The following FLNB variants were observed in gnomAD, a reference collection of about 807,000 sequenced individuals.
The protein encoded by FLNB is filamin B, also known as filamin-B.
Under a neutral mutation model 250.6 loss-of-function variants are expected in FLNB, and 111 were observed. The observed-to-expected ratio is 0.44, with a 90% confidence interval of 0.38 to 0.52. The LOEUF is 0.52. FLNB is among the 20% of genes least tolerant of loss of function. The pLI, the probability that FLNB is intolerant of heterozygous loss-of-function variation, is 0.00. For missense variants in FLNB, 2,869 were observed against 3,447.8 expected (o/e 0.83, Z 4.20); for synonymous variants, 1,302 against 1,372.1 (o/e 0.95, Z 1.13).
At position 58,081,713 on chromosome 3, in the gene FLNB, C is replaced by T; in HGVS notation, c.724C>T (p.Leu242Phe). Reference sequence around the variant, plus strand: ...CCTGTCCCAGTTCCCCAAAGCCAAGCTCAAGCCGGGGGCTCCTCTCAAACC... The same window carrying T: ...CCTGTCCCAGTTCCCCAAAGCCAAGTTCAAGCCGGGGGCTCCTCTCAAACC... ...TYLSQFPKAK[L>F]KPGAPLKPKL... Residue 242 changes from leucine (L) to phenylalanine (F), a missense_variant, in exon 4 of 46, where the codon CTC becomes TTC. Physicochemically the swap from Leu to Phe is conservative, Grantham distance 22. Transcript: ENST00000295956. 1 of 1,614,144 alleles carries T rather than the reference C, an allele frequency of 6.2e-7. No homozygotes were observed.
At chr3:58,103,843 GT>G (rs2097254881) in intron 9 of FLNB, 115 bp from the exon 10 acceptor site, 1 of 1,310,676 alleles carries the variant, frequency 7.6e-7, no homozygotes, top group Admixed American at 1.7e-5. Flanking sequence ...AGCCCACTTG[GT>G]TTTTATGTAT....
At chr3:58,029,286 C>T (rs1200776198) in intron 1 of FLNB, among the ~76,000 whole-genome samples, 1 of 152,100 alleles carries the variant, frequency 6.6e-6, no homozygotes, top group African/African-American at 2.4e-5. Context: ...TATTTCCCCC[C>T]TCAGATTAGC....
intron 1 of FLNB, among the ~76,000 whole-genome samples, chr3:58,019,226 C>T (rs567138998): frequency 1.3e-5 from 2 of 152,268 alleles, no homozygotes; most frequent in Admixed American, 6.5e-5. Flanking sequence ...TATAGCTTAA[C>T]GATGGATGGC....
intron 20 of FLNB, among the ~76,000 whole-genome samples, chr3:58,122,544 C>T (rs1212685223): frequency 1.3e-5 from 2 of 151,940 alleles, no homozygotes; most frequent in East Asian, 3.9e-4. Context: ...GTAACCCTGA[C>T]TCAAGGGGTT....
rs193215681 is a variant in FLNB, at chr3:58,171,233, G to A, written c.*471G>A. The stretch of plus-strand genomic sequence containing the variant: ...ATCCGCTTAATCTCTTCCAGTGTCC[G>A]TGTTAATGTATTTGGCTATTAGATC... On this transcript the variant is annotated 3_prime_UTR_variant, in exon 46 of 46. Transcript: ENST00000295956. The surrounding 1 kb of genome is among the most constrained non-coding windows in gnomAD (Gnocchi z 5.5). 11 of 196,686 alleles carry A rather than the reference G, an allele frequency of 5.6e-5. No individual in the cohort carries two copies. Among genetic ancestry groups the A allele is most frequent in the East Asian group, 1.4e-4 (1 of 7,382 alleles). The allele number at this position is 196,686 out of a possible 1,614,324, so 12.2% of individuals were successfully genotyped here.
Position 58,153,518 on chromosome 3 carries a change from T to C in FLNB, c.6511T>C (p.Tyr2171His), listed in dbSNP as rs562865493. 9.9e-6 allele frequency: 16 copies of C among 1,614,168 alleles called. No individual in the cohort carries two copies. In the African/African-American group the frequency reaches 1.5e-4, roughly 15 times the overall value. ...EMGVHTVSVK[Y>H]RGQHVTGSPF... ...GGGCGTGCACACGGTCAGCGTCAAG[T>C]ACCGTGGGCAGCACGTCACCGGCAG... Residue 2171 changes from tyrosine (Y) to histidine (H), a missense_variant, in exon 39 of 46, where the codon TAC (tyrosine) becomes CAC (histidine). By Grantham distance (83) the Tyr-to-His change is moderately conservative. Around this residue, in one of 5 missense-constraint regions of FLNB, gnomAD observed 1,084 missense variants for 1,315.5 expected, o/e 0.82. Coordinates refer to ENST00000295956, the MANE Select transcript of FLNB (RefSeq NM_001457.4).
At chr3:58,115,744 G>A (rs56004178) in intron 18 of FLNB, among the ~76,000 whole-genome samples, 31,738 of 151,702 alleles carry the variant, frequency 0.21, 4,233 homozygotes, top group Middle Eastern at 0.35. Flanking sequence ...GGTGGCGGTC[G>A]TTGCCACCAA....
intron 4 of FLNB, among the ~76,000 whole-genome samples, chr3:58,083,732 T>A (rs560949784): frequency 1.3e-5 from 2 of 152,156 alleles, no homozygotes; most frequent in Non-Finnish European, 2.9e-5. Context: ...TGGGCATGAT[T>A]TAGACCGGCA....
intron 29 of FLNB, among the ~76,000 whole-genome samples, chr3:58,141,125 C>T (rs151122126): frequency 3.3e-5 from 5 of 151,928 alleles, no homozygotes; most frequent in Admixed American, 6.6e-5. Flanking sequence ...TGGTGGTGCA[C>T]GCCTCTAGTC....
rs2097213006 is a variant in FLNB at position 58,083,893 on chromosome 3, T to G, written c.787+2117T>G. Among the ~76,000 whole-genome samples the G allele has an allele frequency of 4.6e-5, 7 of 152,252 alleles. 1 individual carries two copies. The South Asian group carries it at 1.5e-3, about 32-fold the overall frequency. On this transcript the variant is annotated intron_variant, in intron 4 of 45. Transcript: ENST00000295956. ...CTTGAAGGCTGGCATGTCCTCACTT[T>G]CTTTAAAAGTGCTTTCTTTGGCCGG... is the stretch of plus-strand genomic sequence containing the variant.
chr3:58,076,800 C>G (rs535255528), intron 1 of FLNB, among the ~76,000 whole-genome samples: 1 of 152,148 alleles, frequency 6.6e-6, no homozygotes, highest in East Asian at 1.9e-4. Context: ...AAAGTAGAGA[C>G]AGTGGTGTCT....
intron 12 of FLNB, among the ~76,000 whole-genome samples, chr3:58,107,251 G>A (rs1315377494): frequency 6.6e-6 from 1 of 151,982 alleles, no homozygotes; most frequent in Non-Finnish European, 1.5e-5. Context: ...GGCTGGTCTC[G>A]AACTCCTGGC....
At chr3:58,034,295 C>G (rs909423843) in intron 1 of FLNB, among the ~76,000 whole-genome samples, 2 of 152,336 alleles carry the variant, frequency 1.3e-5, no homozygotes, top group East Asian at 3.9e-4. Context: ...AACTGCCAAA[C>G]TGTTTCCCAA....
rs1281309508 is a variant in FLNB at position 58,164,601 on chromosome 3, G to T, written c.7198+1271G>T. 6.6e-6 allele frequency: 1 copy of T among 152,336 alleles called. No individual in the cohort carries two copies. The highest frequency in any genetic ancestry group is 2.4e-5 in the African/African-American group (1 of 41,450). The allele number at this position is 152,336 out of a possible 1,614,324, so 9.4% of individuals were successfully genotyped here. On this transcript the variant is annotated intron_variant, in intron 43 of 45. Coordinates refer to ENST00000295956, the MANE Select transcript of FLNB (RefSeq NM_001457.4). The surrounding 1 kb of genome is among the most constrained non-coding windows in gnomAD (Gnocchi z 4.0). ...GCCCTCTCCGGGTGCAGGAGTGACT[G>T]GTGGGCTGGCAGGCTGCCCGGGACT...
chr3:58,009,240 G>C (rs1448292213), intron 1 of FLNB, among the ~76,000 whole-genome samples: 2 of 152,168 alleles, frequency 1.3e-5, no homozygotes, highest in Non-Finnish European at 2.9e-5. Context: ...ATGCTCCGCG[G>C]AGTGCTCTCC....
Position 58,171,934 on chromosome 3 carries a change from T to G in FLNB, c.*1172T>G, listed in dbSNP as rs1380972395. On this transcript the variant is annotated 3_prime_UTR_variant, in exon 46 of 46. Coordinates refer to ENST00000295956, the MANE Select transcript of FLNB (RefSeq NM_001457.4). This position sits in a 1 kb window ranked among gnomAD's most constrained non-coding sequence, Gnocchi z 5.5. ...GTGTAGGGAATTTTGCCTGCCTTCC[T>G]GCAGACCTGAGCTGGCTTTGGAATG... 1.3e-5 allele frequency: 2 copies of G among 152,286 alleles called. No homozygotes were observed. The highest frequency in any genetic ancestry group is 2.9e-5 in the Non-Finnish European group (2 of 68,152). The allele number at this position is 152,286 out of a possible 1,614,324, so 9.4% of individuals were successfully genotyped here.
At chr3:58,098,456 A>G (rs1449383355) in intron 7 of FLNB, among the ~76,000 whole-genome samples, 1 of 152,154 alleles carries the variant, frequency 6.6e-6, no homozygotes. Flanking sequence ...TCAGCCTCTC[A>G]AGTAGCTGGG....
intron 41 of FLNB, among the ~76,000 whole-genome samples, chr3:58,156,681 GA>G (rs1250744186): frequency 6.6e-6 from 1 of 152,140 alleles, no homozygotes; most frequent in Non-Finnish European, 1.5e-5. Flanking sequence ...TGTGGCTCCA[GA>G]ACCTGTATTT....
intron 1 of FLNB, among the ~76,000 whole-genome samples, chr3:58,035,109 G>A (rs2097136208): frequency 6.6e-6 from 1 of 152,200 alleles, no homozygotes. Context: ...TCACTAGGTT[G>A]CCATTTATTC....
Sources: gnomAD v4.1 joint callset for allele counts (sites outside exome capture counted in the v4.1 genomes callset) on GRCh38, gnomAD v4.1.1 for gene constraint, gnomAD v4.1.1 regional missense constraint, Gnocchi (gnomAD v3.1) non-coding constraint, MANE v1.5 for transcripts, NCBI Gene and HGNC (gene_info 2026-07-23, HGNC 2026-07-21) for gene names.